SLMAP: variants seen among roughly 807,000 people sequenced by gnomAD.
SLMAP encodes sarcolemma associated protein.
A neutral mutation model predicts 128.8 loss-of-function variants in SLMAP; 44 were observed. The ratio of observed to expected loss-of-function variants is 0.34; its 90% CI spans 0.27 to 0.44. The LOEUF is 0.44. Ranked by LOEUF, SLMAP falls within the 20% of genes least tolerant of loss-of-function variation. SLMAP has a pLI of 1.00. For missense variants in SLMAP, 787 were observed against 985.3 expected (o/e 0.80, Z 2.69); for synonymous variants, 327 against 348.8 (o/e 0.94, Z 0.70).
At chr3:57,872,457 A>G (rs1560352512) in intron 14 of SLMAP, among the ~76,000 whole-genome samples, 1 of 152,080 alleles carries the variant, frequency 6.6e-6, no homozygotes, top group Non-Finnish European at 1.5e-5. Flanking sequence ...CGTCTCTACT[A>G]AAAATACAAA....
At chr3:57,800,302 G>A (rs1195471566) in intron 2 of SLMAP, among the ~76,000 whole-genome samples, 1 of 152,152 alleles carries the variant, frequency 6.6e-6, no homozygotes, top group African/African-American at 2.4e-5. Context: ...TGGGATTACA[G>A]GCATCCACCA....
At chr3:57,819,462 C>A (rs1005184036) in intron 2 of SLMAP, among the ~76,000 whole-genome samples, 4 of 152,036 alleles carry the variant, frequency 2.6e-5, no homozygotes, top group African/African-American at 7.2e-5. Context: ...CAAATAAATT[C>A]TTTGTGTGTG....
intron 14 of SLMAP, among the ~76,000 whole-genome samples, chr3:57,886,918 A>G (rs1316263478): frequency 1.3e-5 from 2 of 152,114 alleles, no homozygotes; most frequent in Non-Finnish European, 2.9e-5. Flanking sequence ...ACTGCCAGGG[A>G]CCGGTGAGGT....
chr3:57,915,770 C>T lies in SLMAP; in HGVS notation c.2139-1136C>T, dbSNP rs1230951395. Among the ~76,000 whole-genome samples the T allele has an allele frequency of 2.6e-5, 4 of 152,216 alleles. No individual in the cohort carries two copies. The South Asian group carries it at 6.2e-4, about 24-fold the overall frequency. On this transcript the variant is annotated intron_variant, in intron 21 of 24. Coordinates refer to ENST00000671191, the MANE Select transcript of SLMAP (RefSeq NM_001377540.1). ...CTTTTATTTTCTGTTGTCTGGGCTA[C>T]GGAAGAAGGAATTGAAGAAGGAATT...
At chr3:57,785,409 T>C (rs1203481418) in intron 2 of SLMAP, among the ~76,000 whole-genome samples, 1 of 152,202 alleles carries the variant, frequency 6.6e-6, no homozygotes, top group Admixed American at 6.5e-5. Context: ...TTCTCTTAGG[T>C]CTTAGTGACC....
At chr3:57,844,753 T>TTC (rs2094158983) in intron 4 of SLMAP, among the ~76,000 whole-genome samples, 1 of 148,210 alleles carries the variant, frequency 6.7e-6, no homozygotes, top group Admixed American at 6.8e-5. Context: ...CTTGCTCAGT[T>TTC]GCCCAGGCTG....
In SLMAP at chr3:57,896,879, A is replaced by C; in HGVS notation, c.1448A>C (p.Gln483Pro). ...EKSSDDTTDAQMDEQDLNEPL... is the reference protein window; with the variant it reads ...EKSSDDTTDAPMDEQDLNEPL... ...ATTTTTTTCCTCTCTGTAGACGCCC[A>C]AATGGATGAGCAAGACCTAAATGAG... Residue 483 changes from glutamine (Q) to proline (P), a missense_variant, in exon 17 of 25, where the codon CAA becomes CCA. Physicochemically the swap from Gln to Pro is moderately conservative, Grantham distance 76 (BLOSUM62 -1). Around this residue, in one of 2 missense-constraint regions of SLMAP, gnomAD observed 715 missense variants for 843.6 expected, o/e 0.85. Transcript: ENST00000671191. The C allele has an allele frequency of 6.2e-7, 1 of 1,606,686 alleles. No homozygotes were observed. Among genetic ancestry groups the C allele is most frequent in the Non-Finnish European group, 8.5e-7 (1 of 1,177,860 alleles).
intron 2 of SLMAP, among the ~76,000 whole-genome samples, chr3:57,809,549 C>T (rs1055757722): frequency 5.3e-5 from 8 of 152,160 alleles, no homozygotes; most frequent in African/African-American, 1.7e-4. Flanking sequence ...CCACGAACAG[C>T]AGCAGGAGGC....
intron 17 of SLMAP, among the ~76,000 whole-genome samples, chr3:57,904,420 C>G (rs2096475541): frequency 6.6e-6 from 1 of 152,140 alleles, no homozygotes; most frequent in African/African-American, 2.4e-5. Context: ...CAGACCCTGT[C>G]TTGAAACAAA....
chr3:57,904,087 G>A (rs1208892586), intron 17 of SLMAP, among the ~76,000 whole-genome samples: 2 of 151,474 alleles, frequency 1.3e-5, no homozygotes, highest in African/African-American at 4.9e-5. Context: ...TGGTTTTCTA[G>A]AAAGAGGATC....
At chr3:57,840,628 C>G (rs1560187222) in intron 3 of SLMAP, among the ~76,000 whole-genome samples, 1 of 152,112 alleles carries the variant, frequency 6.6e-6, no homozygotes, top group Non-Finnish European at 1.5e-5. Context: ...AAGTAAGATG[C>G]AACAGTGAGA....
chr3:57,762,882 C>A (rs1226635886), intron 2 of SLMAP, among the ~76,000 whole-genome samples: 1 of 151,828 alleles, frequency 6.6e-6, no homozygotes, highest in East Asian at 1.9e-4. Flanking sequence ...TGCCCAGATG[C>A]CTGGCTAATT....
intron 2 of SLMAP, among the ~76,000 whole-genome samples, chr3:57,794,546 A>T (rs1047164431): frequency 4.6e-5 from 7 of 152,172 alleles, no homozygotes; most frequent in African/African-American, 1.7e-4. Context: ...GAACATTTTC[A>T]TCACTCCCAA....
At chr3:57,893,416 C>G (rs2096147255) in intron 15 of SLMAP, among the ~76,000 whole-genome samples, 2 of 150,596 alleles carry the variant, frequency 1.3e-5, no homozygotes, top group African/African-American at 2.4e-5. Flanking sequence ...AGAGCAAGAC[C>G]CTGTCTGAAA....
At chr3:57,763,571 G>A (rs927704238) in intron 2 of SLMAP, among the ~76,000 whole-genome samples, 5 of 152,054 alleles carry the variant, frequency 3.3e-5, no homozygotes, top group African/African-American at 9.7e-5. Flanking sequence ...CACCGCGCCC[G>A]GCCTAGTGCA....
intron 2 of SLMAP, among the ~76,000 whole-genome samples, chr3:57,806,004 A>T (rs947204906): frequency 6.6e-6 from 1 of 151,512 alleles, no homozygotes; most frequent in Non-Finnish European, 1.5e-5. Context: ...TGTTCTTGCT[A>T]GTAGGTAAAA....
chr3:57,821,205 C>T (rs2092472466), intron 2 of SLMAP, among the ~76,000 whole-genome samples: 1 of 152,208 alleles, frequency 6.6e-6, no homozygotes, highest in Non-Finnish European at 1.5e-5. Flanking sequence ...CATGTAGAGA[C>T]TTATCTCAGT....
At chr3:57,775,725 G>A (rs534036018) in intron 2 of SLMAP, among the ~76,000 whole-genome samples, 102 of 152,056 alleles carry the variant, frequency 6.7e-4, no homozygotes, top group Non-Finnish European at 1.3e-3. Flanking sequence ...TTGAGACGGA[G>A]TGTCGCTCTT....
At chr3:57,887,496 G>A (rs550617714) in intron 14 of SLMAP, among the ~76,000 whole-genome samples, 17 of 152,282 alleles carry the variant, frequency 1.1e-4, no homozygotes, top group Admixed American at 1.0e-3. Context: ...ACAGGCATGA[G>A]CCACCATGCC....
Sources: gnomAD v4.1 joint callset for allele counts (sites outside exome capture counted in the v4.1 genomes callset) on GRCh38, gnomAD v4.1.1 for gene constraint, gnomAD v4.1.1 regional missense constraint, MANE v1.5 for transcripts, NCBI Gene and HGNC (gene_info 2026-07-23, HGNC 2026-07-21) for gene names.